Variants in ZNF518A observed in about 807,000 individuals in gnomAD.
The protein encoded by ZNF518A is zinc finger protein 518A, also known as zinc finger protein 518.
A neutral mutation model predicts 102.7 loss-of-function variants in ZNF518A; 47 were observed. The observed-to-expected ratio is 0.46, with a 90% CI of 0.36 to 0.58. The LOEUF (loss-of-function observed/expected upper bound fraction) is 0.58. ZNF518A is among the 20% of genes least tolerant of loss of function. The probability of loss-of-function intolerance (pLI) is 0.00; values close to 1 mark genes in which losing one functional copy is unlikely to be tolerated. For missense variants in ZNF518A, 1,793 were observed against 1,699.8 expected (o/e 1.05, Z -0.96); for synonymous variants, 652 against 594.6 (o/e 1.10, Z -1.40).
At chr10:96,166,060 TTC>T (rs2083138060), downstream of ZNF518A, among the ~76,000 whole-genome samples, 1 of 151,996 alleles carries the variant, frequency 6.6e-6, no homozygotes, top group Non-Finnish European at 1.5e-5. Flanking sequence ...AACCCTGGAG[TTC>T]TGATGTCCAA....
intron 1 of ZNF518A, among the ~76,000 whole-genome samples, chr10:96,199,291 C>T (rs2083562011): frequency 6.6e-6 from 1 of 152,218 alleles, no homozygotes; most frequent in African/African-American, 2.4e-5. Flanking sequence ...CTTGAATTGT[C>T]CAAGCTGTCC....
intron 3 of ZNF518A, among the ~76,000 whole-genome samples, chr10:96,148,496 T>C (rs587676226): frequency 6.6e-6 from 1 of 152,344 alleles, no homozygotes; most frequent in South Asian, 2.1e-4. Context: ...AAATTACTTT[T>C]TTTGATTTAA....
At chr10:96,154,674 TC>T (rs1415185650) in intron 3 of ZNF518A, among the ~76,000 whole-genome samples, 1 of 152,138 alleles carries the variant, frequency 6.6e-6, no homozygotes, top group African/African-American at 2.4e-5. Context: ...TCCTGACAGT[TC>T]CAGTTACTTT....
chr10:96,187,817 C>T (rs1218795201), intron 1 of ZNF518A, among the ~76,000 whole-genome samples: 7 of 152,176 alleles, frequency 4.6e-5, no homozygotes, highest in Admixed American at 3.3e-4. Context: ...GCCATTGAGA[C>T]ATTGAGATCA....
intron 1 of ZNF518A, among the ~76,000 whole-genome samples, chr10:96,197,563 C>G (rs1371103394): frequency 6.6e-6 from 1 of 152,086 alleles, no homozygotes; most frequent in Non-Finnish European, 1.5e-5. Flanking sequence ...CTAGAGGACT[C>G]TCTTGAACTG....
Position 96,156,770 on chromosome 10 carries a change from T to C in ZNF518A, c.448T>C (p.Tyr150His), listed in dbSNP as rs1216918583. 3 of 1,613,954 alleles carry C rather than the reference T, an allele frequency of 1.9e-6. No individual in the cohort carries two copies. Among genetic ancestry groups the C allele is most frequent in the Non-Finnish European group, 2.5e-6 (3 of 1,179,824 alleles). The change falls in exon 6 of 6, where the codon TAT (tyrosine) becomes CAT (histidine). Residue 150 changes from tyrosine (Y) to histidine (H), a missense_variant. By Grantham distance (83) the Tyr-to-His change is moderately conservative. Coordinates refer to ENST00000316045, the MANE Select transcript of ZNF518A (RefSeq NM_001330736.2). Reference protein sequence around the residue: ...QMWHHGELPSYPCEMCNFSAN... With the variant: ...QMWHHGELPSHPCEMCNFSAN... Reference sequence around the variant, plus strand: ...GTGGCACCATGGCGAATTACCTTCATATCCTTGTGAAATGTGCAACTTTTC... The same window carrying C: ...GTGGCACCATGGCGAATTACCTTCACATCCTTGTGAAATGTGCAACTTTTC...
chr10:96,200,025 TAAATA>T lies in ZNF518A; in HGVS notation n.36-3530_36-3526del, dbSNP rs782403220. 1.3e-4 allele frequency: 159 copies of T among 1,258,592 alleles called. No homozygotes were observed. Among genetic ancestry groups the T allele is most frequent in the East Asian group, 1.5e-4 (5 of 32,492 alleles). The allele number at this position is 1,258,592 out of a possible 1,614,324, so 78.0% of individuals were successfully genotyped here. A position where few individuals can be genotyped will look rare whatever the true frequency, so the allele number is the denominator to read the frequency against. ...TGAAACTGCATCATCTCAAAACAAA[TAAATA>T]AAATAAAATAAAATAAAAATAATAA... is the stretch of plus-strand genomic sequence containing the variant. On this transcript the variant is annotated intron_variant and non_coding_transcript_variant, in intron 1 of 2. Transcript: ENST00000442635. This position sits in a 1 kb window ranked among gnomAD's most constrained non-coding sequence, Gnocchi z 4.3.
intron 1 of ZNF518A, chr10:96,190,124 C>T (rs2083305530): frequency 2.0e-6 from 2 of 999,004 alleles, no homozygotes; most frequent in African/African-American, 1.6e-5. Context: ...TCATTATCCA[C>T]CTTAAAGTGA....
rs2082861883 is a variant in ZNF518A at position 96,159,106 on chromosome 10, A to T, written c.2784A>T (p.Lys928Asn). ...CACTTTTAAATTCAGAACAAAAAAA[A>T]ACTATAATTGTTCAGACTTCAAAAG... The part of the protein sequence containing the change: ...QSPLLNSEQK[K>N]TIIVQTSKGF... Residue 928 changes from lysine (K) to asparagine (N), a missense_variant, in exon 6 of 6, where the codon AAA becomes AAT. This residue lies in a region of ZNF518A where 1,741 missense variants were observed against 1,622.6 expected (regional missense o/e 1.07). Transcript: ENST00000316045. The T allele has an allele frequency of 1.2e-6, 2 of 1,611,328 alleles. No homozygotes were observed. The highest frequency in any genetic ancestry group is 1.7e-6 in the Non-Finnish European group (2 of 1,179,202).
chr10:96,170,848 A>T (rs587718560), intron 1 of ZNF518A, among the ~76,000 whole-genome samples: 128 of 152,334 alleles, frequency 8.4e-4, no homozygotes, highest in African/African-American at 2.9e-3. Flanking sequence ...TATGCATTTT[A>T]ATTTAGAATA....
At chr10:96,204,312 T>C, downstream of ZNF518A, 1 of 704,754 alleles carries the variant, frequency 1.4e-6, no homozygotes, top group Non-Finnish European at 2.4e-6. Context: ...AAGTATTGTA[T>C]TTTAGTCAAG....
At chr10:96,165,259 C>G (rs1373179548), downstream of ZNF518A, among the ~76,000 whole-genome samples, 3 of 152,122 alleles carry the variant, frequency 2.0e-5, no homozygotes, top group Non-Finnish European at 2.9e-5. Flanking sequence ...AGGTGCCCAC[C>G]ACGATACCCA....
At chr10:96,165,464 AAC>A (rs2083125665), downstream of ZNF518A, among the ~76,000 whole-genome samples, 3 of 73,804 alleles carry the variant, frequency 4.1e-5, no homozygotes, top group Admixed American at 1.6e-4. Flanking sequence ...AAAAAACAAC[AAC>A]AACCAAAAAA....
chr10:96,150,568 AAT>A (rs587669557), intron 3 of ZNF518A, among the ~76,000 whole-genome samples: 111 of 150,672 alleles, frequency 7.4e-4, no homozygotes, highest in African/African-American at 2.4e-3. Flanking sequence ...ACTTAGGTAC[AAT>A]TTTTTCTCAT....
chr10:96,177,808 A>G (rs1485815583), intron 1 of ZNF518A, among the ~76,000 whole-genome samples: 1 of 152,144 alleles, frequency 6.6e-6, no homozygotes, highest in African/African-American at 2.4e-5. Context: ...TGTTATAAAC[A>G]CTCCAATTAA....
At chr10:96,204,831 C>T (rs587716052), downstream of ZNF518A, 10 of 534,452 alleles carry the variant, frequency 1.9e-5, no homozygotes, top group South Asian at 1.3e-4. Flanking sequence ...GTTACAGGTA[C>T]ATCCTACCAC....
At chr10:96,144,117 C>G (rs1554877598) in intron 3 of ZNF518A, among the ~76,000 whole-genome samples, 1 of 152,056 alleles carries the variant, frequency 6.6e-6, no homozygotes, top group Non-Finnish European at 1.5e-5. Flanking sequence ...TCCCGAGTAG[C>G]TGGGACTACA....
At position 96,158,912 on chromosome 10, in the gene ZNF518A, CAA is replaced by C; in HGVS notation, c.2591_2592del (p.Gln864ArgfsTer16). ...GAATTTGAAATTTGGAAAAGAAAAA[CAA>C]GTGTCATCAATACCACAAGATGTGA... is the stretch of plus-strand genomic sequence containing the variant. Reference protein sequence around the residue: ...DLNLKFGKEKQVSSIPQDVRD... With the variant: ...DLNLKFGKEKXVSSIPQDVRD... On this transcript the variant is annotated frameshift_variant, in exon 6 of 6. Coordinates refer to ENST00000316045, the MANE Select transcript of ZNF518A (RefSeq NM_001330736.2). LOFTEE classifies it high-confidence loss of function. 2 of 1,613,542 alleles carry C rather than the reference CAA, an allele frequency of 1.2e-6. No homozygotes were observed. The highest frequency in any genetic ancestry group is 1.7e-6 in the Non-Finnish European group (2 of 1,179,676).
rs1023363436 is a variant in ZNF518A, at chr10:96,160,882, C to T, written c.*108C>T. On this transcript the variant is annotated 3_prime_UTR_variant, in exon 6 of 6. Transcript: ENST00000316045. ...TCTACTTCAGTATAGTACCTGAAAT[C>T]GAACATTTTAAAAGTTGATTGTATT... 9 of 1,150,686 alleles carry T rather than the reference C, an allele frequency of 7.8e-6. No individual in the cohort carries two copies. The highest frequency in any genetic ancestry group is 2.5e-5 in the South Asian group (1 of 39,332). 71.3% of individuals were successfully genotyped at this position (1,150,686 alleles called of 1,614,324 possible). A position where few individuals can be genotyped will look rare whatever the true frequency, so the allele number is the denominator to read the frequency against.
Sources: allele counts gnomAD v4.1 joint callset (sites outside exome capture counted in the v4.1 genomes callset), GRCh38; gene constraint gnomAD v4.1.1; regional missense constraint gnomAD v4.1.1; non-coding constraint Gnocchi (gnomAD v3.1); transcripts MANE v1.5; gene names NCBI Gene and HGNC (gene_info 2026-07-23, HGNC 2026-07-21).